Variants in SEZ6L observed in about 807,000 individuals in gnomAD.
The protein encoded by SEZ6L is seizure related 6 homolog like.
SEZ6L carries 37 observed loss-of-function variants against 106.2 expected under a neutral mutation model. That is an observed-to-expected ratio of 0.35 (90% CI 0.27 to 0.46). The LOEUF is 0.46. Ranked by LOEUF, SEZ6L falls within the 20% of genes least tolerant of loss-of-function variation. The pLI, the probability that SEZ6L is intolerant of heterozygous loss-of-function variation, is 1.00. For missense variants in SEZ6L, 1,172 were observed against 1,332.8 expected (o/e 0.88, Z 1.88); for synonymous variants, 541 against 570.4 (o/e 0.95, Z 0.73).
chr22:26,238,931 G>A (rs2079030802), intron 1 of SEZ6L, among the ~76,000 whole-genome samples: 1 of 152,210 alleles, frequency 6.6e-6, no homozygotes, highest in Non-Finnish European at 1.5e-5. Context: ...GACTTTAGAA[G>A]TGTAACTGGG....
intron 9 of SEZ6L, among the ~76,000 whole-genome samples, chr22:26,326,979 G>A (rs560137722): frequency 3.9e-5 from 6 of 152,320 alleles, no homozygotes; most frequent in South Asian, 4.1e-4. Context: ...CGGCCCCTGT[G>A]TGGAGTTTCC....
intron 1 of SEZ6L, chr22:26,242,993 A>T (rs1264560617): frequency 6.6e-6 from 1 of 152,074 alleles, no homozygotes; most frequent in Non-Finnish European, 1.5e-5. Flanking sequence ...CTGAGGGCAA[A>T]TCTGTTCCGT....
rs548403475 is a variant in SEZ6L, at chr22:26,297,883, G to A, written c.1162+803G>A. On this transcript the variant is annotated intron_variant, in intron 4 of 16. Coordinates refer to ENST00000248933, the MANE Select transcript of SEZ6L (RefSeq NM_021115.5). Reference sequence around the variant, plus strand: ...CTTTTCTTCCCCTCTCCTCCACCCCGATTTCCTCCTATGCAGCTCCCATGA... The same window carrying A: ...CTTTTCTTCCCCTCTCCTCCACCCCAATTTCCTCCTATGCAGCTCCCATGA... 1.1e-4 allele frequency among the ~76,000 whole-genome samples: 16 copies of A among 145,744 alleles called. No individual in the cohort carries two copies. The South Asian group carries it at 2.2e-3, about 20-fold the overall frequency.
At chr22:26,273,387 C>T (rs546892192) in intron 1 of SEZ6L, among the ~76,000 whole-genome samples, 1 of 152,260 alleles carries the variant, frequency 6.6e-6, no homozygotes, top group Non-Finnish European at 1.5e-5. Context: ...AATTTGCCTC[C>T]TCCTATGCTT....
At chr22:26,284,739 C>A (rs62225706) in intron 1 of SEZ6L, among the ~76,000 whole-genome samples, 12,694 of 151,516 alleles carry the variant, frequency 0.084, 671 homozygotes, top group Non-Finnish European at 0.13. Flanking sequence ...TGATTTCTTA[C>A]CTCTCAGGTG....
intron 1 of SEZ6L, among the ~76,000 whole-genome samples, chr22:26,236,526 C>G (rs145751516): frequency 6.6e-5 from 10 of 152,204 alleles, no homozygotes; most frequent in African/African-American, 2.2e-4. Context: ...ACTTTCCGAG[C>G]CTGTGGACTT....
chr22:26,224,595 AG>A (rs2078581723), intron 1 of SEZ6L, among the ~76,000 whole-genome samples: 1 of 152,184 alleles, frequency 6.6e-6, no homozygotes, highest in South Asian at 2.1e-4. Context: ...ACTGGTAGGA[AG>A]TTATTGCAGT....
intron 12 of SEZ6L, among the ~76,000 whole-genome samples, chr22:26,356,029 C>T (rs1243772905): frequency 1.3e-5 from 2 of 152,172 alleles, no homozygotes; most frequent in Admixed American, 6.5e-5. Flanking sequence ...AAAATAATAC[C>T]CTTTACCAAG....
chr22:26,291,124 A>G (rs951055305), intron 1 of SEZ6L, among the ~76,000 whole-genome samples: 2 of 152,256 alleles, frequency 1.3e-5, no homozygotes, highest in East Asian at 1.9e-4. Flanking sequence ...TCATTCTGTT[A>G]CAAAGATACA....
chr22:26,282,066 A>G (rs1256884762), intron 1 of SEZ6L, among the ~76,000 whole-genome samples: 4 of 152,242 alleles, frequency 2.6e-5, no homozygotes, highest in African/African-American at 9.6e-5. Flanking sequence ...ACTCGTCTGC[A>G]TAGCATTTTG....
intron 12 of SEZ6L, among the ~76,000 whole-genome samples, chr22:26,358,182 G>A (rs1395386672): frequency 6.6e-6 from 1 of 152,134 alleles, no homozygotes; most frequent in African/African-American, 2.4e-5. Flanking sequence ...CTGGGAAAGC[G>A]GTCTCTCACA....
chr22:26,171,438 G>C (rs1449383514), intron 1 of SEZ6L, among the ~76,000 whole-genome samples: 1 of 150,522 alleles, frequency 6.6e-6, no homozygotes, highest in Non-Finnish European at 1.5e-5. Flanking sequence ...AATCTACCCA[G>C]CAGCTTACTG....
At chr22:26,253,192 G>A (rs2079666447) in intron 1 of SEZ6L, among the ~76,000 whole-genome samples, 1 of 152,128 alleles carries the variant, frequency 6.6e-6, no homozygotes, top group East Asian at 1.9e-4. Context: ...TTACACATCT[G>A]GCTTTGAACG....
At chr22:26,271,484 T>C (rs929338564) in intron 1 of SEZ6L, among the ~76,000 whole-genome samples, 2 of 152,122 alleles carry the variant, frequency 1.3e-5, no homozygotes, top group Non-Finnish European at 2.9e-5. Flanking sequence ...GTGTTGGAGG[T>C]GGAGCCTGGT....
rs1259485632 is a variant in SEZ6L at position 26,292,489 on chromosome 22, G to C, written c.178G>C (p.Glu60Gln). The C allele has an allele frequency of 6.2e-7, 1 of 1,613,978 alleles. No homozygotes were observed. The highest frequency in any genetic ancestry group is 1.7e-5 in the Admixed American group (1 of 60,004). Residue 60 changes from glutamate (E) to glutamine (Q), a missense_variant, in exon 2 of 17, where the codon GAG becomes CAG. By Grantham distance (29) the Glu-to-Gln change is conservative (BLOSUM62 2). Around this residue, in one of 4 missense-constraint regions of SEZ6L, gnomAD observed 494 missense variants for 445.8 expected, o/e 1.11. Transcript: ENST00000248933. ...GAPERGSPGK[E>Q]HPEERVVTAP... Reference sequence around the variant, plus strand: ...CCCGGAGAGAGGCAGTCCTGGCAAAGAGCACCCTGAAGAGAGAGTGGTAAC... The same window carrying C: ...CCCGGAGAGAGGCAGTCCTGGCAAACAGCACCCTGAAGAGAGAGTGGTAAC...
chr22:26,353,730 A>G (rs531220633), intron 12 of SEZ6L, among the ~76,000 whole-genome samples: 91 of 152,144 alleles, frequency 6.0e-4, no homozygotes, highest in Non-Finnish European at 8.7e-4. Flanking sequence ...TAGAACTTCA[A>G]AGTTCTAACC....
chr22:26,316,421 G>A (rs527691750), intron 9 of SEZ6L, among the ~76,000 whole-genome samples: 88 of 152,324 alleles, frequency 5.8e-4, no homozygotes, highest in African/African-American at 2.1e-3. Flanking sequence ...TAAATGCAGT[G>A]TGAAAGGAGC....
chr22:26,220,503 C>G (rs553850261), intron 1 of SEZ6L, among the ~76,000 whole-genome samples: 6 of 152,324 alleles, frequency 3.9e-5, no homozygotes, highest in Non-Finnish European at 7.3e-5. Context: ...GGGCTCCTGA[C>G]TCTCCACTTA....
chr22:26,245,337 A>G (rs1280474937), intron 1 of SEZ6L, among the ~76,000 whole-genome samples: 7 of 152,150 alleles, frequency 4.6e-5, no homozygotes, highest in Non-Finnish European at 1.0e-4. Flanking sequence ...AAAATTGAAC[A>G]AGAGAGACGA....
Sources: gnomAD v4.1 joint callset for allele counts (sites outside exome capture counted in the v4.1 genomes callset) on GRCh38, gnomAD v4.1.1 for gene constraint, gnomAD v4.1.1 regional missense constraint, MANE v1.5 for transcripts, NCBI Gene and HGNC (gene_info 2026-07-23, HGNC 2026-07-21) for gene names.